Variants in CCDC191 observed in about 807,000 individuals in gnomAD.
The protein encoded by CCDC191 is coiled-coil domain containing 191.
Under a neutral mutation model 114.0 loss-of-function variants are expected in CCDC191, and 99 were observed. The ratio of observed to expected loss-of-function variants is 0.87; its 90% CI spans 0.74 to 1.03. The LOEUF is 1.03. Ranked by LOEUF, CCDC191 falls within the 50% of genes least tolerant of loss-of-function variation. The pLI is 0.00. For missense variants in CCDC191, 973 were observed against 1,087.0 expected, an observed-to-expected ratio of 0.90 and a Z score of 1.47; for synonymous variants, 351 against 376.0, an observed-to-expected ratio of 0.93 and a Z score of 0.77.
intron 2 of CCDC191, among the ~76,000 whole-genome samples, chr3:114,052,176 T>G (rs2076706351): frequency 6.6e-6 from 1 of 151,920 alleles, no homozygotes; most frequent in Non-Finnish European, 1.5e-5. Flanking sequence ...AAATAAAGAC[T>G]TATTGGTTTT....
intron 1 of CCDC191, among the ~76,000 whole-genome samples, chr3:114,054,768 C>T (rs2076743856): frequency 6.6e-6 from 1 of 152,154 alleles, no homozygotes; most frequent in Non-Finnish European, 1.5e-5. Flanking sequence ...AGGTATTAAT[C>T]TGAAATTAGA....
In CCDC191 at chr3:114,010,947, T is replaced by C. The variant is rs962063472; in HGVS notation, c.1238A>G (p.His413Arg). The C allele has an allele frequency of 2.5e-6, 4 of 1,613,986 alleles. No homozygotes were observed. Among genetic ancestry groups the C allele is most frequent in the Non-Finnish European group, 3.4e-6 (4 of 1,179,952 alleles). ...CTCTCTCTTCAGGAGCTCGGCGCCA[T>C]GCCAATGCTGCCATTCTGTAAAGCA... ...RHCFTEWQHW[H>R]GAELLKRELA... Residue 413 changes from histidine to arginine, a missense_variant, in exon 9 of 17, where the codon CAT (histidine) becomes CGT (arginine). His to Arg is a conservative substitution (Grantham distance 29). Coordinates refer to ENST00000295878, the MANE Select transcript of CCDC191 (RefSeq NM_020817.2).
intron 4 of CCDC191, among the ~76,000 whole-genome samples, chr3:114,041,724 G>A (rs1461716125): frequency 1.3e-5 from 2 of 152,122 alleles, no homozygotes; most frequent in East Asian, 1.9e-4. Context: ...ATGATGTCAG[G>A]TGAATTCACC....
In CCDC191 at chr3:113,979,014, G is replaced by T. The variant is rs758846591; in HGVS notation, c.2308-4C>A. ...AAGAGTAATGTTCTTCTGCCACCTG[G>T]ACAATTTTTTAAATGAGAAATATTA... On this transcript the variant is annotated splice_region_variant and splice_polypyrimidine_tract_variant and intron_variant, in intron 14 of 16. Transcript: ENST00000295878. 3.7e-6 allele frequency: 6 copies of T among 1,611,960 alleles called. No homozygotes were observed. The highest frequency in any genetic ancestry group is 5.1e-6 in the Non-Finnish European group (6 of 1,178,944).
At position 113,994,176 on chromosome 3, in the gene CCDC191, A is replaced by C. The variant is rs188699536; in HGVS notation, c.2163+7419T>G. 3.2e-3 allele frequency among the ~76,000 whole-genome samples: 493 copies of C among 152,366 alleles called. 11 individuals are homozygous for C. Among genetic ancestry groups the C allele is most frequent in the Non-Finnish European group, 5.9e-4 (40 of 68,030 alleles). ...CATATCTAAAAAGGACTTGGTCCAGAATATATGAAGAACTTTTAAAACCCA... is the reference window on the plus strand; with the variant it reads ...CATATCTAAAAAGGACTTGGTCCAGCATATATGAAGAACTTTTAAAACCCA... On this transcript the variant is annotated intron_variant, in intron 13 of 16. Coordinates refer to ENST00000295878, the MANE Select transcript of CCDC191 (RefSeq NM_020817.2).
At chr3:113,990,604 G>A (rs896631567) in intron 13 of CCDC191, among the ~76,000 whole-genome samples, 1 of 151,096 alleles carries the variant, frequency 6.6e-6, no homozygotes, top group Non-Finnish European at 1.5e-5. Context: ...AAAACCTACA[G>A]AAATAAAAAA....
intron 3 of CCDC191, among the ~76,000 whole-genome samples, chr3:114,045,990 A>G (rs2076624466): frequency 6.6e-6 from 1 of 152,214 alleles, no homozygotes; most frequent in Admixed American, 6.5e-5. Flanking sequence ...GTGTTGAATA[A>G]ATGAAGAAAT....
intron 13 of CCDC191, among the ~76,000 whole-genome samples, chr3:113,997,514 G>A (rs913707775): frequency 1.3e-5 from 2 of 152,040 alleles, no homozygotes; most frequent in African/African-American, 4.8e-5. Context: ...CAGAGAAATG[G>A]CTTATTCATG....
intron 7 of CCDC191, among the ~76,000 whole-genome samples, chr3:114,027,601 C>CAAAAAAAAAAAAAAAAAA (rs67548547): frequency 1.7e-5 from 1 of 60,136 alleles, no homozygotes; most frequent in African/African-American, 6.9e-5. Context: ...GACTCTGTCT[C>CAAAAAAAAAAAAAAAAAA]AAAAAAAAAA....
At chr3:113,982,060 T>C (rs765984747) in intron 13 of CCDC191, among the ~76,000 whole-genome samples, 10 of 152,232 alleles carry the variant, frequency 6.6e-5, no homozygotes, top group African/African-American at 2.4e-4. Flanking sequence ...GAGAGACATC[T>C]AATGCAGATA....
chr3:113,982,432 G>T (rs945942678), intron 13 of CCDC191, among the ~76,000 whole-genome samples: 1 of 152,068 alleles, frequency 6.6e-6, no homozygotes, highest in African/African-American at 2.4e-5. Flanking sequence ...AATAGCACCT[G>T]CATCCATGAT....
At chr3:114,056,571 A>G (rs1262705432), upstream of CCDC191, 1 of 1,602,096 alleles carries the variant, frequency 6.2e-7, no homozygotes. Context: ...GCCCGCAAGG[A>G]AAGCAGGCAT....
chr3:114,004,193 C>T, intron 11 of CCDC191: 1 of 967,824 alleles, frequency 1.0e-6, no homozygotes, highest in Non-Finnish European at 1.2e-6. Flanking sequence ...ATCCTATCAA[C>T]AAGTTATAAT....
At chr3:114,056,584 G>A, upstream of CCDC191, 1 of 1,593,206 alleles carries the variant, frequency 6.3e-7, no homozygotes, top group Non-Finnish European at 8.5e-7. Flanking sequence ...GCAGGCATAG[G>A]ACACCGTCGA....
intron 7 of CCDC191, among the ~76,000 whole-genome samples, chr3:114,026,703 T>C (rs373224182): frequency 1.2e-3 from 179 of 152,352 alleles, no homozygotes; most frequent in African/African-American, 4.0e-3. Flanking sequence ...AGGCTTCTTT[T>C]CCATATATAG....
At chr3:113,993,534 A>T (rs2075635787) in intron 13 of CCDC191, among the ~76,000 whole-genome samples, 1 of 152,160 alleles carries the variant, frequency 6.6e-6, no homozygotes, top group Admixed American at 6.6e-5. Context: ...GGAACAACTG[A>T]ACGTCCATAT....
At chr3:113,968,102 C>G (rs569106811) in intron 16 of CCDC191, among the ~76,000 whole-genome samples, 2 of 152,254 alleles carry the variant, frequency 1.3e-5, no homozygotes, top group East Asian at 3.9e-4. Context: ...CACGGACATG[C>G]AAATATCTCT....
intron 14 of CCDC191, among the ~76,000 whole-genome samples, chr3:113,979,617 A>G (rs1468609216): frequency 6.6e-6 from 1 of 152,228 alleles, no homozygotes; most frequent in East Asian, 1.9e-4. Context: ...TTAAGAGGCA[A>G]GAGGGGAAAA....
chr3:114,036,380 ATTC>A (rs893679416), intron 5 of CCDC191, among the ~76,000 whole-genome samples: 7 of 152,208 alleles, frequency 4.6e-5, no homozygotes, highest in Non-Finnish European at 8.8e-5. Context: ...AAAATCAATT[ATTC>A]TTTTTTTTCT....
Sources: allele counts gnomAD v4.1 joint callset (sites outside exome capture counted in the v4.1 genomes callset), GRCh38; gene constraint gnomAD v4.1.1; transcripts MANE v1.5; gene names NCBI Gene and HGNC (gene_info 2026-07-23, HGNC 2026-07-21).